EMILIN2: variants seen among roughly 807,000 people sequenced by gnomAD.
EMILIN2 encodes EMILIN-2.
In EMILIN2, 71 loss-of-function variants were observed where a neutral mutation model predicts 87.1. The ratio of observed to expected loss-of-function variants is 0.82; its 90% CI spans 0.67 to 0.99. EMILIN2 has a LOEUF of 0.99. Ranked by LOEUF, EMILIN2 falls within the 50% of genes least tolerant of loss-of-function variation. The pLI is 0.00. For missense variants in EMILIN2, 1,407 were observed against 1,371.8 expected (o/e 1.03, Z -0.40); for synonymous variants, 581 against 563.4 (o/e 1.03, Z -0.44).
At chr18:2,910,884 G>A (rs1175060201) in intron 7 of EMILIN2, among the ~76,000 whole-genome samples, 1 of 152,208 alleles carries the variant, frequency 6.6e-6, no homozygotes. Flanking sequence ...TGATTAAGCT[G>A]GAGCTTGGCA....
At chr18:2,860,927 G>A (rs62074988) in intron 2 of EMILIN2, among the ~76,000 whole-genome samples, 26 of 152,192 alleles carry the variant, frequency 1.7e-4, no homozygotes, top group East Asian at 5.8e-4. Flanking sequence ...AATGATTGCC[G>A]TTCTAACTGG....
At position 2,906,757 on chromosome 18, in the gene EMILIN2, GTTTC is replaced by G. The variant is rs1312455018; in HGVS notation, c.2360-20_2360-17del. The G allele has an allele frequency of 5.5e-5, 70 of 1,273,862 alleles. No homozygotes were observed. The East Asian group carries it at 2.2e-3, about 40-fold the overall frequency. The allele number at this position is 1,273,862 out of a possible 1,614,324, so 78.9% of individuals were successfully genotyped here. ...GGGCTGAGGTTTCCTAATCCCGTGT[GTTTC>G]TTTCTCCCCGACGCCCGGCAGAGGC... On this transcript the variant is annotated intron_variant, in intron 4 of 7. Coordinates refer to ENST00000254528, the MANE Select transcript of EMILIN2 (RefSeq NM_032048.3).
intron 4 of EMILIN2, among the ~76,000 whole-genome samples, chr18:2,905,465 C>G (rs1785281): frequency 0.48 from 73,154 of 151,712 alleles, 20,109 homozygotes; most frequent in South Asian, 0.65. Flanking sequence ...ATCTATTACC[C>G]AAAGCATGTG....
intron 7 of EMILIN2, 50 bp downstream of exon 7, chr18:2,909,869 AGG>A: frequency 6.3e-7 from 1 of 1,589,962 alleles, no homozygotes; most frequent in Admixed American, 1.9e-5. Context: ...ACCCCAACGC[AGG>A]TGGGACCCCT....
chr18:2,908,272 TCCCTTCCATCCA>T (rs1046254924), intron 5 of EMILIN2, among the ~76,000 whole-genome samples: 2 of 152,144 alleles, frequency 1.3e-5, no homozygotes, highest in African/African-American at 2.4e-5. Context: ...TATCCGTGTA[TCCCTTCCATCCA>T]CCCTTCCATC....
rs1438249335 is a variant in EMILIN2 at position 2,914,145 on chromosome 18, GTT to G, written c.*744_*745del. 2.0e-5 allele frequency: 3 copies of G among 152,742 alleles called. No homozygotes were observed. In the East Asian group the frequency reaches 5.8e-4, roughly 29 times the overall value. 9.5% of individuals were successfully genotyped at this position (152,742 alleles called of 1,614,324 possible). On this transcript the variant is annotated 3_prime_UTR_variant, in exon 8 of 8. Transcript: ENST00000254528. ...TTGCTAAAAAGCAAACTGAAGAAATGTTTTGTTTCAAAAAGGGCTACAGAAAG... is the reference window on the plus strand; with the variant it reads ...TTGCTAAAAAGCAAACTGAAGAAATGTTGTTTCAAAAAGGGCTACAGAAAG...
chr18:2,891,678 T>A lies in EMILIN2; in HGVS notation c.1551T>A (p.Ser517Arg), dbSNP rs746209717. ...CCAATAACACTGGTGCAGAGCTCAGTCCCCCAGGGGCAGCAGCCCTGCCAG... is the reference window on the plus strand; with the variant it reads ...CCAATAACACTGGTGCAGAGCTCAGACCCCCAGGGGCAGCAGCCCTGCCAG... ...QMTNNTGAEL[S>R]PPGAAALPGV... The change falls in exon 4 of 8, where the codon AGT becomes AGA. Residue 517 changes from serine (S) to arginine (R), a missense_variant. By Grantham distance (110) the Ser-to-Arg change is moderately radical. Transcript: ENST00000254528. The surrounding 1 kb of genome is among the most constrained non-coding windows in gnomAD (Gnocchi z 4.6). 3 of 1,613,724 alleles carry A rather than the reference T, an allele frequency of 1.9e-6. No homozygotes were observed. Among genetic ancestry groups the A allele is most frequent in the Non-Finnish European group, 2.5e-6 (3 of 1,179,946 alleles).
Position 2,891,396 on chromosome 18 carries a change from C to G in EMILIN2, c.1269C>G (p.Thr423=). 1 of 1,614,158 alleles carries G rather than the reference C, an allele frequency of 6.2e-7. No individual in the cohort carries two copies. The highest frequency in any genetic ancestry group is 8.5e-7 in the Non-Finnish European group (1 of 1,180,030). Residue 423 remains threonine (T), a synonymous_variant, in exon 4 of 8, where the codon ACC becomes ACG. Transcript: ENST00000254528. The surrounding 1 kb of genome is among the most constrained non-coding windows in gnomAD (Gnocchi z 4.6). ...AAATCGAGAGAGTTGCTGAAGCCAC[C>G]AGAATGCTGAATGGAAGACTGGACA... The part of the protein sequence containing the change: ...DQKIERVAEA[T]RMLNGRLDNE...
intron 5 of EMILIN2, 81 bp from the exon 6 acceptor site, chr18:2,908,862 A>G: frequency 6.5e-7 from 1 of 1,535,176 alleles, no homozygotes; most frequent in South Asian, 1.1e-5. Context: ...ACTTGTGAGG[A>G]GCAGAGGAAA....
At chr18:2,884,899 T>C (rs1388527552) in intron 2 of EMILIN2, 65 bp from the exon 3 acceptor site, 3 of 1,510,420 alleles carry the variant, frequency 2.0e-6, no homozygotes, top group Non-Finnish European at 1.8e-6. Context: ...TTTATTTGGG[T>C]CTAGCGCCGG....
chr18:2,908,062 A>T (rs1420336728), intron 5 of EMILIN2, among the ~76,000 whole-genome samples: 1 of 152,130 alleles, frequency 6.6e-6, no homozygotes, highest in East Asian at 1.9e-4. Flanking sequence ...TTCTCTCACC[A>T]GCTTTCTTTT....
upstream of EMILIN2, chr18:2,846,868 C>A: frequency 1.0e-6 from 1 of 985,124 alleles, no homozygotes; most frequent in African/African-American, 1.7e-5. This position sits in a 1 kb window ranked among gnomAD's most constrained non-coding sequence, Gnocchi z 5.3. Context: ...TGCCGAGAAG[C>A]GAAGGGACTG....
At position 2,885,120 on chromosome 18, in the gene EMILIN2, C is replaced by T. The variant is rs592120; in HGVS notation, c.414C>T (p.Asn138=). The T allele has an allele frequency of 0.35, 558,685 of 1,606,192 alleles. 105,552 individuals carry two copies. The highest frequency in any genetic ancestry group is 0.38 in the Non-Finnish European group (452,742 of 1,176,996). Residue 138 remains asparagine (N), a synonymous_variant, in exon 3 of 8, where the codon AAC becomes AAT. Coordinates refer to ENST00000254528, the MANE Select transcript of EMILIN2 (RefSeq NM_032048.3). ...TLRPTPARPR[N]SLKKATDNEP... The stretch of plus-strand genomic sequence containing the variant: ...GCCCCACGCCGGCTCGGCCTCGAAA[C>T]AGCTTGAAGAAAGCCACAGGTAACT...
intron 2 of EMILIN2, among the ~76,000 whole-genome samples, chr18:2,870,707 G>C (rs2076714998): frequency 6.6e-6 from 1 of 152,198 alleles, no homozygotes; most frequent in African/African-American, 2.4e-5. Context: ...ATGCAGATGT[G>C]AGAGAAGGCC....
chr18:2,907,754 C>T (rs2076921650), intron 5 of EMILIN2, among the ~76,000 whole-genome samples: 1 of 152,192 alleles, frequency 6.6e-6, no homozygotes, highest in Non-Finnish European at 1.5e-5. Flanking sequence ...TGCAGCCCTC[C>T]CAATGGCACT....
rs1192204663 is a variant in EMILIN2, at chr18:2,848,022, C to G, written c.257+91C>G. On this transcript the variant is annotated intron_variant, in intron 2 of 7. Transcript: ENST00000254528. The surrounding 1 kb of genome is among the most constrained non-coding windows in gnomAD (Gnocchi z 4.1). ...TTGCTGCGCTGGGCTCCAGTCCCTC[C>G]GGTAAATCCCTTCCAGATCCGGTGA... The G allele has an allele frequency of 5.1e-6, 7 of 1,382,234 alleles. No individual in the cohort carries two copies. The highest frequency in any genetic ancestry group is 6.7e-6 in the Non-Finnish European group (7 of 1,046,284). The allele number at this position is 1,382,234 out of a possible 1,614,324, so 85.6% of individuals were successfully genotyped here. A position where few individuals can be genotyped will look rare whatever the true frequency, so the allele number is the denominator to read the frequency against.
At chr18:2,874,593 C>T (rs541119493) in intron 2 of EMILIN2, among the ~76,000 whole-genome samples, 2 of 152,132 alleles carry the variant, frequency 1.3e-5, no homozygotes, top group South Asian at 2.1e-4. Flanking sequence ...AGAGTACAGG[C>T]GAATGAAAAC....
intron 4 of EMILIN2, among the ~76,000 whole-genome samples, chr18:2,903,392 T>A (rs2076896824): frequency 6.6e-6 from 1 of 152,214 alleles, no homozygotes; most frequent in South Asian, 2.1e-4. Context: ...AAGAAGCTCA[T>A]AATGAAAACC....
intron 2 of EMILIN2, among the ~76,000 whole-genome samples, chr18:2,875,479 T>G (rs2144004906): frequency 6.7e-6 from 1 of 149,428 alleles, no homozygotes; most frequent in East Asian, 2.0e-4. Context: ...TGAAACAGCC[T>G]GCAGCAGCAA....
Sources: allele counts gnomAD v4.1 joint callset (sites outside exome capture counted in the v4.1 genomes callset), GRCh38; gene constraint gnomAD v4.1.1; non-coding constraint Gnocchi (gnomAD v3.1); transcripts MANE v1.5; gene names NCBI Gene and HGNC (gene_info 2026-07-23, HGNC 2026-07-21).